Variants in CACNA1C observed in about 807,000 individuals in gnomAD.
The protein encoded by CACNA1C is calcium voltage-gated channel subunit alpha1 C, also known as voltage-dependent L-type calcium channel subunit alpha-1C.
Under a neutral mutation model 229.0 loss-of-function variants are expected in CACNA1C, and 30 were observed. The ratio of observed to expected loss-of-function variants is 0.13; its 90% CI spans 0.10 to 0.18. The LOEUF (loss-of-function observed/expected upper bound fraction) is 0.18. CACNA1C is among the 10% of genes least tolerant of loss of function. The pLI, the probability that CACNA1C is intolerant of heterozygous loss-of-function variation, is 1.00. For missense variants in CACNA1C, 1,658 were observed against 2,845.0 expected, an observed-to-expected ratio of 0.58 and a Z score of 9.49; for synonymous variants, 1,114 against 1,132.5, an observed-to-expected ratio of 0.98 and a Z score of 0.33.
chr12:2,192,729 C>T (rs963982645), intron 3 of CACNA1C, among the ~76,000 whole-genome samples: 1 of 151,506 alleles, frequency 6.6e-6, no homozygotes, highest in Admixed American at 6.6e-5. Flanking sequence ...CACTCTCCCC[C>T]TCCTCCACAC....
chr12:2,565,189 C>T (rs1418375165), intron 11 of CACNA1C, among the ~76,000 whole-genome samples: 1 of 152,048 alleles, frequency 6.6e-6, no homozygotes, highest in Non-Finnish European at 1.5e-5. Context: ...CCAACCCCGG[C>T]CGGGCGCGGT....
chr12:2,543,605 T>C (rs1054266914), intron 9 of CACNA1C, among the ~76,000 whole-genome samples: 1 of 152,236 alleles, frequency 6.6e-6, no homozygotes, highest in Admixed American at 6.5e-5. Flanking sequence ...CACTAATGTG[T>C]TCATATATTG....
At chr12:2,490,903 A>G (rs895446378) in intron 6 of CACNA1C, among the ~76,000 whole-genome samples, 2 of 152,220 alleles carry the variant, frequency 1.3e-5, no homozygotes, top group Non-Finnish European at 2.9e-5. Context: ...CAACGAACAC[A>G]GGACTCACAC....
chr12:2,114,460 C>A (rs1283491479), intron 1 of CACNA1C, among the ~76,000 whole-genome samples: 1 of 152,128 alleles, frequency 6.6e-6, no homozygotes, highest in Non-Finnish European at 1.5e-5. Context: ...CAAAGGCTGA[C>A]CTCATTTCAA....
chr12:2,461,582 G>C (rs147478948), intron 5 of CACNA1C, among the ~76,000 whole-genome samples: 2 of 152,204 alleles, frequency 1.3e-5, no homozygotes, highest in African/African-American at 4.8e-5. Flanking sequence ...CCTACCTGCC[G>C]ACTCCGTTCC....
At chr12:2,390,505 CAAAT>C (rs1220908403) in intron 3 of CACNA1C, among the ~76,000 whole-genome samples, 1 of 152,168 alleles carries the variant, frequency 6.6e-6, no homozygotes, top group African/African-American at 2.4e-5. Flanking sequence ...AAGAAAGACA[CAAAT>C]AAAATTTGCC....
intron 3 of CACNA1C, among the ~76,000 whole-genome samples, chr12:2,447,173 A>G (rs1170170500): frequency 6.6e-6 from 1 of 152,114 alleles, no homozygotes; most frequent in Non-Finnish European, 1.5e-5. Flanking sequence ...GTGTTGTCTC[A>G]TGTTTTCTTC....
At chr12:2,120,656 C>CTGTGTGTGTGTGTGTGTGTGTGTGTG (rs112680750) in intron 3 of CACNA1C, among the ~76,000 whole-genome samples, 4 of 139,856 alleles carry the variant, frequency 2.9e-5, no homozygotes, top group African/African-American at 1.1e-4. Flanking sequence ...GTGGTGAGCT[C>CTGTGTGTGTGTGTGTGTGTGTGTGTG]TGTGTGTGTG....
rs2071387814 is a variant in CACNA1C at position 2,243,218 on chromosome 12, T to C, written c.477+122788T>C. ...GTAATTGAGCTCTGACGATTTGATA[T>C]GTCATGATCTTACCTCTCTAACCAG... On this transcript the variant is annotated intron_variant, in intron 3 of 46. Coordinates refer to ENST00000399655, the MANE Select transcript of CACNA1C (RefSeq NM_000719.7). 4.6e-5 allele frequency among the ~76,000 whole-genome samples: 7 copies of C among 152,344 alleles called. No individual in the cohort carries two copies. In the South Asian group the frequency reaches 1.5e-3, roughly 32 times the overall value.
intron 31 of CACNA1C, among the ~76,000 whole-genome samples, chr12:2,650,407 G>A (rs1413459588): frequency 1.3e-5 from 2 of 152,164 alleles, no homozygotes; most frequent in Non-Finnish European, 2.9e-5. Context: ...AGCAAGGAGT[G>A]GGGAGGGCCC....
intron 38 of CACNA1C, 62 bp from the exon 39 acceptor site, chr12:2,674,479 C>CGCAGAGGG (rs1569188663): frequency 6.6e-7 from 1 of 1,524,126 alleles, no homozygotes; most frequent in Non-Finnish European, 8.9e-7. Flanking sequence ...TCCTACCTTA[C>CGCAGAGGG]GCAGAGGGAC....
At chr12:2,373,583 G>T (rs2097928729) in intron 3 of CACNA1C, among the ~76,000 whole-genome samples, 1 of 152,182 alleles carries the variant, frequency 6.6e-6, no homozygotes, top group Non-Finnish European at 1.5e-5. Flanking sequence ...GCAGGAGTTT[G>T]GCGTGGATTC....
chr12:2,548,614 CAGAG>C (rs1169676783), intron 9 of CACNA1C, among the ~76,000 whole-genome samples: 2 of 152,128 alleles, frequency 1.3e-5, no homozygotes, highest in African/African-American at 2.4e-5. Context: ...TTAAAAAGGT[CAGAG>C]AGGTCTCTCA....
chr12:2,024,361 G>A (rs115889848), intron 1 of CACNA1C, among the ~76,000 whole-genome samples: 1,887 of 152,288 alleles, frequency 0.012, 38 homozygotes, highest in African/African-American at 0.043. Flanking sequence ...TGCTATAATA[G>A]AAACCCAAAA....
rs144865478 is a variant in CACNA1C at position 2,556,687 on chromosome 12, C to T, written c.1482-264C>T. ...ACCTGACCTCATAGAAGTTTCTAGGCAGACCCTGAGGACCTGCTACTCTCC... is the reference window on the plus strand; with the variant it reads ...ACCTGACCTCATAGAAGTTTCTAGGTAGACCCTGAGGACCTGCTACTCTCC... On this transcript the variant is annotated intron_variant, in intron 10 of 46. Coordinates refer to ENST00000399655, the MANE Select transcript of CACNA1C (RefSeq NM_000719.7). 1.2e-3 allele frequency among the ~76,000 whole-genome samples: 188 copies of T among 152,304 alleles called. No homozygotes were observed. The highest frequency in any genetic ancestry group is 4.3e-3 in the African/African-American group (180 of 41,566).
At chr12:2,216,189 G>A (rs547684443) in intron 3 of CACNA1C, among the ~76,000 whole-genome samples, 1 of 152,298 alleles carries the variant, frequency 6.6e-6, no homozygotes, top group Non-Finnish European at 1.5e-5. Context: ...TGTGAGGATG[G>A]GGAGGGGCCT....
intron 3 of CACNA1C, among the ~76,000 whole-genome samples, chr12:2,253,693 G>T (rs1052660503): frequency 6.6e-6 from 1 of 152,238 alleles, no homozygotes; most frequent in Non-Finnish European, 1.5e-5. Context: ...ACACACGTAG[G>T]TAGTCAGTAA....
intron 1 of CACNA1C, among the ~76,000 whole-genome samples, chr12:1,975,313 T>C (rs2033984820): frequency 6.6e-6 from 1 of 152,132 alleles, no homozygotes; most frequent in Admixed American, 6.5e-5. Context: ...AAAATTGTTT[T>C]CCTTCTTCAA....
intron 30 of CACNA1C, among the ~76,000 whole-genome samples, chr12:2,635,582 A>G (rs946766018): frequency 2.8e-5 from 4 of 143,778 alleles, no homozygotes; most frequent in Non-Finnish European, 4.5e-5. Flanking sequence ...GCTCTCAGTC[A>G]GTTACACTGC....
Sources: gnomAD v4.1 joint callset for allele counts (sites outside exome capture counted in the v4.1 genomes callset) on GRCh38, gnomAD v4.1.1 for gene constraint, MANE v1.5 for transcripts, NCBI Gene and HGNC (gene_info 2026-07-23, HGNC 2026-07-21) for gene names.